PPFIA2: variants seen among roughly 807,000 people sequenced by gnomAD.
The protein encoded by PPFIA2 is PPFI scaffold protein A2.
Under a neutral mutation model 175.5 loss-of-function variants are expected in PPFIA2, and 46 were observed. That is an observed-to-expected ratio of 0.26 (90% CI 0.21 to 0.34). The LOEUF is 0.34. Ranked by LOEUF, PPFIA2 falls within the 10% of genes least tolerant of loss-of-function variation. The pLI is 1.00. For missense variants in PPFIA2, 1,179 were observed against 1,506.1 expected, an observed-to-expected ratio of 0.78 and a Z score of 3.60; for synonymous variants, 568 against 511.4, an observed-to-expected ratio of 1.11 and a Z score of -1.49.
chr12:81,634,350 T>A (rs1017490371), intron 4 of PPFIA2, among the ~76,000 whole-genome samples: 36 of 152,050 alleles, frequency 2.4e-4, no homozygotes, highest in Admixed American at 1.2e-3. Flanking sequence ...ATGATTTCTG[T>A]AAGTTTATTT....
chr12:81,457,965 G>T, intron 4 of PPFIA2, 99 bp from the exon 5 acceptor site: 1 of 716,998 alleles, frequency 1.4e-6, no homozygotes, highest in Non-Finnish European at 2.3e-6. Flanking sequence ...GGGGAAAAAT[G>T]ACCCCACTGA....
At chr12:81,489,670 G>A (rs1361961832) in intron 4 of PPFIA2, among the ~76,000 whole-genome samples, 1 of 151,836 alleles carries the variant, frequency 6.6e-6, no homozygotes, top group East Asian at 1.9e-4. Flanking sequence ...ATATATTTGT[G>A]TTTGAAACGT....
intron 4 of PPFIA2, among the ~76,000 whole-genome samples, chr12:81,518,452 C>T (rs954639521): frequency 6.6e-6 from 1 of 152,142 alleles, no homozygotes; most frequent in Non-Finnish European, 1.5e-5. Flanking sequence ...GTACCAAATC[C>T]ACTGCAGATC....
At chr12:81,659,269 A>G (rs2068356018) in intron 4 of PPFIA2, among the ~76,000 whole-genome samples, 1 of 151,978 alleles carries the variant, frequency 6.6e-6, no homozygotes. Flanking sequence ...GCGAGGCATC[A>G]CCTCACCCGG....
At chr12:81,549,880 A>G (rs912456969) in intron 4 of PPFIA2, among the ~76,000 whole-genome samples, 1 of 151,882 alleles carries the variant, frequency 6.6e-6, no homozygotes, top group South Asian at 2.1e-4. Context: ...AACATATTAT[A>G]TGAAGCTATT....
intron 4 of PPFIA2, among the ~76,000 whole-genome samples, chr12:81,614,237 GA>G (rs1230414750): frequency 2.0e-5 from 3 of 152,054 alleles, no homozygotes; most frequent in Non-Finnish European, 4.4e-5. Context: ...TGACATTAAT[GA>G]AAAGAAATAT....
chr12:81,519,729 T>A (rs770942531), intron 4 of PPFIA2, among the ~76,000 whole-genome samples: 9 of 152,188 alleles, frequency 5.9e-5, no homozygotes, highest in Admixed American at 1.3e-4. Flanking sequence ...ACAACACAAA[T>A]TGCTATTCAG....
chr12:81,742,098 T>C (rs753301736), intron 3 of PPFIA2, among the ~76,000 whole-genome samples: 1 of 152,076 alleles, frequency 6.6e-6, no homozygotes, highest in Non-Finnish European at 1.5e-5. Context: ...GATGGTGGGA[T>C]AGAATGAGTG....
At chr12:81,454,781 G>T (rs1215151075) in intron 5 of PPFIA2, among the ~76,000 whole-genome samples, 3 of 152,018 alleles carry the variant, frequency 2.0e-5, no homozygotes, top group Non-Finnish European at 4.4e-5. Flanking sequence ...TGAGCCACAA[G>T]TTGATCAGAA....
At chr12:81,711,676 A>T (rs924776443) in intron 3 of PPFIA2, among the ~76,000 whole-genome samples, 2 of 150,978 alleles carry the variant, frequency 1.3e-5, no homozygotes, top group Non-Finnish European at 2.9e-5. Flanking sequence ...TCTACTTAAT[A>T]CTTGCCTATT....
Position 81,268,005 on chromosome 12 carries a change from C to T in PPFIA2, c.3393G>A (p.Glu1131=). 1 of 1,597,690 alleles carries T rather than the reference C, an allele frequency of 6.3e-7. No homozygotes were observed. The highest frequency in any genetic ancestry group is 8.5e-7 in the Non-Finnish European group (1 of 1,171,028). Reference sequence around the variant, plus strand: ...CTATAAGTGAGCCATGCACACCGCTCTCAAGTATATTATTTGCATATTCTC... The same window carrying T: ...CTATAAGTGAGCCATGCACACCGCTTTCAAGTATATTATTTGCATATTCTC... ...GLREYANNIL[E]SGVHGSLIAL... The change falls in exon 29 of 33, where the codon GAG becomes GAA. Residue 1131 remains glutamate (E), a synonymous_variant. Coordinates refer to ENST00000549396, the MANE Select transcript of PPFIA2 (RefSeq NM_003625.5).
chr12:81,594,347 A>G (rs2059013489), intron 4 of PPFIA2, among the ~76,000 whole-genome samples: 1 of 152,178 alleles, frequency 6.6e-6, no homozygotes, highest in Admixed American at 6.5e-5. Flanking sequence ...AGCCACTTCT[A>G]TACATAGTTC....
At chr12:81,757,176 T>C (rs2084814859) in intron 2 of PPFIA2, among the ~76,000 whole-genome samples, 1 of 152,202 alleles carries the variant, frequency 6.6e-6, no homozygotes, top group Non-Finnish European at 1.5e-5. Context: ...ATATTCAATA[T>C]AAGAGTTAAA....
At chr12:81,576,681 A>T (rs1403986278) in intron 4 of PPFIA2, among the ~76,000 whole-genome samples, 1 of 151,900 alleles carries the variant, frequency 6.6e-6, no homozygotes, top group Admixed American at 6.6e-5. Flanking sequence ...TTTAGAATGC[A>T]TACAAATTTT....
At chr12:81,709,680 A>T (rs1297122551) in intron 3 of PPFIA2, among the ~76,000 whole-genome samples, 11 of 152,274 alleles carry the variant, frequency 7.2e-5, no homozygotes, top group Admixed American at 5.2e-4. Context: ...TAGCAAATTT[A>T]TAACAGCTAT....
intron 7 of PPFIA2, among the ~76,000 whole-genome samples, chr12:81,434,212 CTATG>C (rs1410813772): frequency 3.3e-5 from 5 of 151,698 alleles, no homozygotes; most frequent in Admixed American, 3.3e-4. Context: ...TGTTACAAGT[CTATG>C]TAACATATAT....
At chr12:81,294,579 G>C (rs1479679805) in intron 24 of PPFIA2, 2 of 460,378 alleles carry the variant, frequency 4.3e-6, no homozygotes, top group African/African-American at 4.0e-5. Context: ...GGGTCTTGTC[G>C]CTTGGGAGAA....
chr12:81,488,059 C>T (rs533228153), intron 4 of PPFIA2, among the ~76,000 whole-genome samples: 116 of 151,948 alleles, frequency 7.6e-4, no homozygotes, highest in African/African-American at 2.7e-3. Flanking sequence ...TTTATTTAAA[C>T]CAGAGAAAGT....
chr12:81,589,842 G>A (rs1228298347), intron 4 of PPFIA2, among the ~76,000 whole-genome samples: 2 of 151,838 alleles, frequency 1.3e-5, no homozygotes, highest in Non-Finnish European at 2.9e-5. Flanking sequence ...TGTTCCCTCT[G>A]TTCTCGTCCA....
Sources: gnomAD v4.1 joint callset for allele counts (sites outside exome capture counted in the v4.1 genomes callset) on GRCh38, gnomAD v4.1.1 for gene constraint, MANE v1.5 for transcripts, NCBI Gene and HGNC (gene_info 2026-07-23, HGNC 2026-07-21) for gene names.